SPOCK1: variants seen among roughly 807,000 people sequenced by gnomAD.
SPOCK1 encodes SPARC (osteonectin), cwcv and kazal like domains proteoglycan 1.
A neutral mutation model predicts 55.3 loss-of-function variants in SPOCK1; 23 were observed. That is an observed-to-expected ratio of 0.42 (90% CI 0.30 to 0.59). SPOCK1 has a LOEUF of 0.59. Among genes scored for constraint, SPOCK1 ranks in the 20% least tolerant of loss-of-function variants. The probability of loss-of-function intolerance (pLI) is 0.22; values close to 1 mark genes in which losing one functional copy is unlikely to be tolerated. For missense variants in SPOCK1, 499 were observed against 552.5 expected, an observed-to-expected ratio of 0.90 and a Z score of 0.97; for synonymous variants, 226 against 221.0, an observed-to-expected ratio of 1.02 and a Z score of -0.20.
At chr5:137,221,327 G>A (rs1460335480) in intron 3 of SPOCK1, among the ~76,000 whole-genome samples, 7 of 152,136 alleles carry the variant, frequency 4.6e-5, no homozygotes, top group Non-Finnish European at 1.0e-4. Context: ...AAACTGCCAT[G>A]TGCATCCAGC....
chr5:137,206,719 G>A (rs535818246), intron 3 of SPOCK1, among the ~76,000 whole-genome samples: 1 of 152,302 alleles, frequency 6.6e-6, no homozygotes, highest in Non-Finnish European at 1.5e-5. Flanking sequence ...AATTCAAACA[G>A]GAGAAACTTC....
At chr5:137,458,062 T>C (rs1193263151) in intron 2 of SPOCK1, among the ~76,000 whole-genome samples, 1 of 152,214 alleles carries the variant, frequency 6.6e-6, no homozygotes, top group Non-Finnish European at 1.5e-5. Context: ...ACATCATCAT[T>C]CCAGTAAGCT....
At chr5:137,276,288 C>T (rs1279634918) in intron 2 of SPOCK1, among the ~76,000 whole-genome samples, 1 of 152,260 alleles carries the variant, frequency 6.6e-6, no homozygotes, top group East Asian at 1.9e-4. Flanking sequence ...CCTTACCCTT[C>T]TTTTGTTAAC....
chr5:137,498,311 G>A, intron 2 of SPOCK1, 62 bp downstream of exon 2: 3 of 1,405,190 alleles, frequency 2.1e-6, no homozygotes, highest in Admixed American at 2.6e-5. Flanking sequence ...CCCCAACCCC[G>A]CTTCAGGGGT....
chr5:137,332,374 G>A (rs1406668513), intron 2 of SPOCK1, among the ~76,000 whole-genome samples: 2 of 152,180 alleles, frequency 1.3e-5, no homozygotes, highest in East Asian at 3.9e-4. Context: ...TAGGTTCATC[G>A]CTCATCTTCT....
chr5:137,032,679 G>A (rs1165530470), intron 6 of SPOCK1, among the ~76,000 whole-genome samples: 2 of 151,940 alleles, frequency 1.3e-5, no homozygotes, highest in East Asian at 1.9e-4. Flanking sequence ...GGAAGGAGGT[G>A]GTCAACATCC....
At chr5:137,494,131 A>T (rs1754248031) in intron 2 of SPOCK1, among the ~76,000 whole-genome samples, 1 of 152,240 alleles carries the variant, frequency 6.6e-6, no homozygotes, top group South Asian at 2.1e-4. Context: ...TCATGTGTGC[A>T]AAAGAAAGAA....
chr5:137,302,396 C>T (rs929994462), intron 2 of SPOCK1, among the ~76,000 whole-genome samples: 10 of 129,804 alleles, frequency 7.7e-5, no homozygotes, highest in East Asian at 4.5e-4. Context: ...AGTGAAACCC[C>T]GTCTCTACTA....
chr5:137,262,970 T>C (rs1304861682), intron 3 of SPOCK1, among the ~76,000 whole-genome samples: 1 of 152,202 alleles, frequency 6.6e-6, no homozygotes, highest in Non-Finnish European at 1.5e-5. Flanking sequence ...AAAGTACTTA[T>C]CATTATTGCC....
At chr5:137,404,699 G>T (rs531508955) in intron 2 of SPOCK1, among the ~76,000 whole-genome samples, 14 of 151,864 alleles carry the variant, frequency 9.2e-5, no homozygotes, top group African/African-American at 3.4e-4. Flanking sequence ...ATTACAGGGG[G>T]AGCCACCGCA....
intron 5 of SPOCK1, among the ~76,000 whole-genome samples, chr5:137,096,326 G>A (rs1048424644): frequency 1.2e-4 from 19 of 152,096 alleles, no homozygotes; most frequent in African/African-American, 3.9e-4. Flanking sequence ...AACCCAAATG[G>A]GTTTCCATGA....
intron 3 of SPOCK1, among the ~76,000 whole-genome samples, chr5:137,198,254 T>C (rs1755341906): frequency 6.6e-6 from 1 of 152,264 alleles, no homozygotes; most frequent in Non-Finnish European, 1.5e-5. Flanking sequence ...TAAATAATGC[T>C]GCAATGAATG....
At chr5:137,104,616 G>A (rs1473323465) in intron 5 of SPOCK1, among the ~76,000 whole-genome samples, 16 of 152,112 alleles carry the variant, frequency 1.1e-4, no homozygotes, top group Non-Finnish European at 1.6e-4. Context: ...GCTCCGCTTC[G>A]TGTCACATCA....
chr5:137,022,148 T>C (rs1009820468), intron 6 of SPOCK1, among the ~76,000 whole-genome samples: 99 of 152,130 alleles, frequency 6.5e-4, no homozygotes, highest in East Asian at 9.7e-4. Context: ...GTGACAGAGC[T>C]TCCCCTCAAC....
chr5:137,383,049 T>C (rs9327788), intron 2 of SPOCK1, among the ~76,000 whole-genome samples: 12,988 of 152,108 alleles, frequency 0.085, 1,255 homozygotes, highest in African/African-American at 0.24. Flanking sequence ...GCCTCAGAAG[T>C]AGTAGGTAAG....
chr5:137,025,619 G>T (rs983834619), intron 6 of SPOCK1, among the ~76,000 whole-genome samples: 1 of 152,146 alleles, frequency 6.6e-6, no homozygotes, highest in African/African-American at 2.4e-5. Flanking sequence ...GAGCTGAAGT[G>T]GTTGAGGTGG....
chr5:137,280,087 G>A (rs1316303795), intron 2 of SPOCK1, among the ~76,000 whole-genome samples: 1 of 152,148 alleles, frequency 6.6e-6, no homozygotes, highest in Non-Finnish European at 1.5e-5. Context: ...CTCTCACTCG[G>A]CCTTTGAAAG....
At chr5:137,192,801 A>G (rs1217163073) in intron 3 of SPOCK1, among the ~76,000 whole-genome samples, 1 of 152,250 alleles carries the variant, frequency 6.6e-6, no homozygotes, top group Non-Finnish European at 1.5e-5. Flanking sequence ...GTCAAGGAAA[A>G]AAACAGTGTG....
chr5:137,242,798 T>C (rs1022392742), intron 3 of SPOCK1, among the ~76,000 whole-genome samples: 2 of 152,076 alleles, frequency 1.3e-5, no homozygotes, highest in African/African-American at 4.8e-5. Context: ...ATTATCTCTA[T>C]GCACAAACAC....
Sources: gnomAD v4.1 joint callset for allele counts (sites outside exome capture counted in the v4.1 genomes callset) on GRCh38, gnomAD v4.1.1 for gene constraint, MANE v1.5 for transcripts, NCBI Gene and HGNC (gene_info 2026-07-23, HGNC 2026-07-21) for gene names.